Variants in TRAM1 observed in about 807,000 individuals in gnomAD.
TRAM1 encodes the protein translocating chain-associated membrane protein 1.
In TRAM1, 17 loss-of-function variants were observed where a neutral mutation model predicts 48.7. That is an observed-to-expected ratio of 0.35 (90% CI 0.24 to 0.52). TRAM1 has a LOEUF of 0.52. Among genes scored for constraint, TRAM1 ranks in the 20% least tolerant of loss-of-function variants. The pLI, the probability that TRAM1 is intolerant of heterozygous loss-of-function variation, is 0.94. For missense variants in TRAM1, 351 were observed against 441.5 expected (o/e 0.79, Z 1.84); for synonymous variants, 182 against 154.0 (o/e 1.18, Z -1.34).
rs1470148504 is a variant in TRAM1, at chr8:70,608,281, C to T, written c.-82G>A. 1 of 1,477,256 alleles carries T rather than the reference C, an allele frequency of 6.8e-7. No individual in the cohort carries two copies. The highest frequency in any genetic ancestry group is 9.0e-7 in the Non-Finnish European group (1 of 1,116,556). The allele number at this position is 1,477,256 out of a possible 1,614,324, so 91.5% of individuals were successfully genotyped here. A position where few individuals can be genotyped will look rare whatever the true frequency, so the allele number is the denominator to read the frequency against. On this transcript the variant is annotated 5_prime_UTR_variant, in exon 1 of 11. Coordinates refer to ENST00000262213, the MANE Select transcript of TRAM1 (RefSeq NM_014294.6). ...TGCTCACCGACTCGCCGCCGCCTCC[C>T]GCTGGCTGCTCCTCACGGCCCCGCT...
In TRAM1 at chr8:70,590,998, C is replaced by CAAT. The variant is rs528377999; in HGVS notation, c.570+3505_570+3507dup. ...CTCTGTATAATGGGGATAACAACAA[C>CAAT]AATAATAATAAAAAAAAAAAAGAGA... On this transcript the variant is annotated intron_variant, in intron 6 of 10. Coordinates refer to ENST00000262213, the MANE Select transcript of TRAM1 (RefSeq NM_014294.6). Among the ~76,000 whole-genome samples, 7 of 140,284 alleles carry CAAT rather than the reference C, an allele frequency of 5.0e-5. No individual in the cohort carries two copies. The South Asian group carries it at 1.1e-3, about 22-fold the overall frequency. The allele number at this position is 140,284 out of a possible 152,430, so 92.0% of individuals were successfully genotyped here.
chr8:70,592,806 A>C (rs1817396999), intron 6 of TRAM1, among the ~76,000 whole-genome samples: 1 of 152,276 alleles, frequency 6.6e-6, no homozygotes, highest in Non-Finnish European at 1.5e-5. Context: ...AACTTTCTGC[A>C]ATCATGGAAA....
At chr8:70,577,191 G>A (rs1261256900) in intron 10 of TRAM1, among the ~76,000 whole-genome samples, 1 of 152,190 alleles carries the variant, frequency 6.6e-6, no homozygotes, top group African/African-American at 2.4e-5. Context: ...GCCGAGGGGG[G>A]CTGAGGGCAG....
rs903056318 is a variant in TRAM1, at chr8:70,593,950, C to T, written c.570+556G>A. On this transcript the variant is annotated intron_variant, in intron 6 of 10. Transcript: ENST00000262213. ...TAGGAAGGAGGATTTTGCAGTGCTC[C>T]AGCAGTTTACTTATTTGTTCAAATA... 2.6e-5 allele frequency among the ~76,000 whole-genome samples: 4 copies of T among 152,268 alleles called. No homozygotes were observed. In the East Asian group the frequency reaches 7.7e-4, roughly 29 times the overall value.
At chr8:70,589,273 C>T (rs1817296939) in intron 6 of TRAM1, among the ~76,000 whole-genome samples, 1 of 152,144 alleles carries the variant, frequency 6.6e-6, no homozygotes, top group African/African-American at 2.4e-5. Flanking sequence ...TTAAGATCCT[C>T]TCTACATAAT....
At chr8:70,589,761 C>T (rs529221799) in intron 6 of TRAM1, among the ~76,000 whole-genome samples, 132 of 152,220 alleles carry the variant, frequency 8.7e-4, no homozygotes, top group African/African-American at 2.9e-3. Context: ...TTGCTTAAGC[C>T]TGGCAGGTTG....
intron 10 of TRAM1, among the ~76,000 whole-genome samples, chr8:70,577,368 C>T (rs1288065879): frequency 2.0e-5 from 3 of 152,206 alleles, no homozygotes; most frequent in Non-Finnish European, 4.4e-5. Context: ...GCCAGGCCAC[C>T]AGTTCCATGG....
intron 8 of TRAM1, among the ~76,000 whole-genome samples, chr8:70,586,629 C>T (rs974585419): frequency 4.6e-5 from 7 of 151,890 alleles, no homozygotes; most frequent in African/African-American, 1.7e-4. Context: ...AACCATGCAA[C>T]AAACAAAGTA....
In TRAM1 at chr8:70,600,077, C is replaced by T. The variant is rs750439094; in HGVS notation, c.129G>A (p.Thr43=). The T allele has an allele frequency of 1.2e-5, 19 of 1,613,178 alleles. No homozygotes were observed. The highest frequency in any genetic ancestry group is 1.6e-4 in the Middle Eastern group (1 of 6,080). The stretch of plus-strand genomic sequence containing the variant: ...TAACAAAAATGATAGAAGCTTTTGC[C>T]GTTATCTACAAAGAAGGAAAAACAA... ...VFLLGLMFEI[T]AKASIIFVTL... The change falls in exon 2 of 11, where the codon ACG becomes ACA. Residue 43 remains threonine (T), a synonymous_variant. Transcript: ENST00000262213.
At position 70,585,081 on chromosome 8, in the gene TRAM1, G is replaced by T. The variant is rs543987774; in HGVS notation, c.747-1288C>A. ...AGCATGGTACTGGTACCAAAACAGA[G>T]ATATAGATCAATGGAACAGAACAGA... On this transcript the variant is annotated intron_variant, in intron 8 of 10. Coordinates refer to ENST00000262213, the MANE Select transcript of TRAM1 (RefSeq NM_014294.6). Among the ~76,000 whole-genome samples the T allele has an allele frequency of 6.1e-3, 928 of 152,252 alleles. 12 individuals carry two copies. Among genetic ancestry groups the T allele is most frequent in the African/African-American group, 0.019 (784 of 41,530 alleles).
In TRAM1 at chr8:70,574,898, C is replaced by T. The variant is rs767837236; in HGVS notation, c.*34G>A. ...GAAAGATATAGTAGAAAGCAGATTT[C>T]TTTGGGGACATTAATCAATTAGTTT... On this transcript the variant is annotated 3_prime_UTR_variant, in exon 11 of 11. Coordinates refer to ENST00000262213, the MANE Select transcript of TRAM1 (RefSeq NM_014294.6). 4.2e-6 allele frequency: 6 copies of T among 1,417,608 alleles called. No individual in the cohort carries two copies. The South Asian group carries it at 7.1e-5, about 17-fold the overall frequency. 87.8% of individuals were successfully genotyped at this position (1,417,608 alleles called of 1,614,324 possible).
intron 1 of TRAM1, among the ~76,000 whole-genome samples, chr8:70,601,886 T>A (rs922767318): frequency 9.9e-5 from 15 of 152,216 alleles, no homozygotes; most frequent in African/African-American, 3.6e-4. Context: ...AGAACCTAGC[T>A]TAAATAAAGA....
At chr8:70,606,796 G>A (rs573093901) in intron 1 of TRAM1, 4 of 755,494 alleles carry the variant, frequency 5.3e-6, no homozygotes, top group South Asian at 6.0e-5. Flanking sequence ...GATGAGAGGC[G>A]AAAATAAGGT....
intron 6 of TRAM1, among the ~76,000 whole-genome samples, chr8:70,589,234 G>C (rs983818862): frequency 1.3e-5 from 2 of 152,206 alleles, no homozygotes; most frequent in Non-Finnish European, 2.9e-5. Flanking sequence ...TCCAATGGAA[G>C]AGAGAAGTAT....
At chr8:70,589,169 C>G (rs113601222) in intron 6 of TRAM1, among the ~76,000 whole-genome samples, 7 of 152,276 alleles carry the variant, frequency 4.6e-5, no homozygotes, top group African/African-American at 1.7e-4. Context: ...TTACAATTTA[C>G]AGTACTGTAT....
chr8:70,592,048 C>A (rs1817378033), intron 6 of TRAM1, among the ~76,000 whole-genome samples: 1 of 151,908 alleles, frequency 6.6e-6, no homozygotes, highest in Non-Finnish European at 1.5e-5. Context: ...ATATGATATG[C>A]AATTATAGGT....
intron 1 of TRAM1, among the ~76,000 whole-genome samples, chr8:70,601,062 T>C (rs1817599279): frequency 6.6e-6 from 1 of 152,176 alleles, no homozygotes; most frequent in African/African-American, 2.4e-5. Flanking sequence ...GTGGAGAATG[T>C]TGAGGACGGG....
intron 10 of TRAM1, among the ~76,000 whole-genome samples, chr8:70,576,918 G>A (rs985767559): frequency 6.6e-6 from 1 of 152,168 alleles, no homozygotes. Context: ...TGCTGCTCCT[G>A]GCGTCTGCTA....
At chr8:70,585,011 G>A (rs1365351171) in intron 8 of TRAM1, among the ~76,000 whole-genome samples, 4 of 152,152 alleles carry the variant, frequency 2.6e-5, no homozygotes, top group Non-Finnish European at 5.9e-5. Flanking sequence ...GAGGCATCAT[G>A]CTACCTGACT....
Sources: allele counts gnomAD v4.1 joint callset (sites outside exome capture counted in the v4.1 genomes callset), GRCh38; gene constraint gnomAD v4.1.1; transcripts MANE v1.5; gene names NCBI Gene and HGNC (gene_info 2026-07-23, HGNC 2026-07-21).